Variants in ATP11B observed in about 807,000 individuals in gnomAD.
ATP11B encodes the protein ATPase phospholipid transporting 11B (putative).
Under a neutral mutation model 157.8 loss-of-function variants are expected in ATP11B, and 81 were observed. The observed-to-expected ratio is 0.51, with a 90% CI of 0.43 to 0.62. The LOEUF is 0.62. Ranked by LOEUF, ATP11B falls within the 20% of genes least tolerant of loss-of-function variation. The probability of loss-of-function intolerance (pLI) is 0.00; values close to 1 mark genes in which losing one functional copy is unlikely to be tolerated. For synonymous variants in ATP11B, 451 were observed against 469.4 expected, an observed-to-expected ratio of 0.96 and a Z score of 0.51; for missense variants, 1,165 against 1,402.2, an observed-to-expected ratio of 0.83 and a Z score of 2.70.
chr3:182,838,690 C>G (rs1718754115), intron 7 of ATP11B, among the ~76,000 whole-genome samples: 1 of 151,744 alleles, frequency 6.6e-6, no homozygotes, highest in Non-Finnish European at 1.5e-5. Flanking sequence ...AATAGTTTCC[C>G]TCCTTGAGGA....
At position 182,793,737 on chromosome 3, in the gene ATP11B, AC is replaced by A; in HGVS notation, c.-20del. The A allele has an allele frequency of 7.1e-7, 1 of 1,403,388 alleles. No homozygotes were observed. Among genetic ancestry groups the A allele is most frequent in the Non-Finnish European group, 9.3e-7 (1 of 1,072,548 alleles). The allele number at this position is 1,403,388 out of a possible 1,614,324, so 86.9% of individuals were successfully genotyped here. ...CCCCGCGGCCCCCGCGCCCCGCGGG[AC>A]CCGGACGGCGACGACGGGGGAATGT... On this transcript the variant is annotated 5_prime_UTR_variant, in exon 1 of 30. Transcript: ENST00000323116.
chr3:182,846,407 A>G (rs1719533321), intron 9 of ATP11B, among the ~76,000 whole-genome samples: 1 of 152,206 alleles, frequency 6.6e-6, no homozygotes, highest in Non-Finnish European at 1.5e-5. Context: ...GCCTTGAAAA[A>G]TAGTTTTGGC....
Position 182,868,746 on chromosome 3 carries a change from C to T in ATP11B, c.1689-332C>T, listed in dbSNP as rs904195116. Among the ~76,000 whole-genome samples the T allele has an allele frequency of 3.9e-5, 6 of 152,294 alleles. No individual in the cohort carries two copies. In the East Asian group the frequency reaches 7.7e-4, roughly 20 times the overall value. On this transcript the variant is annotated intron_variant, in intron 15 of 29. Transcript: ENST00000323116. The stretch of plus-strand genomic sequence containing the variant: ...CAGTTCTTGCTCTGCCACTCACAAG[C>T]TTACCTGACTTTAGGCAAATTACTT...
intron 10 of ATP11B, among the ~76,000 whole-genome samples, chr3:182,850,907 A>G (rs1334341050): frequency 1.3e-5 from 2 of 152,200 alleles, no homozygotes; most frequent in African/African-American, 4.8e-5. Flanking sequence ...TACCCACACA[A>G]TGGAATACTA....
chr3:182,894,823 A>G lies in ATP11B; in HGVS notation c.2983-1877A>G, dbSNP rs560697419. 2.7e-3 allele frequency among the ~76,000 whole-genome samples: 409 copies of G among 152,096 alleles called. 3 individuals are homozygous for G. The highest frequency in any genetic ancestry group is 4.7e-3 in the Non-Finnish European group (318 of 67,988). On this transcript the variant is annotated intron_variant, in intron 25 of 29. Coordinates refer to ENST00000323116, the MANE Select transcript of ATP11B (RefSeq NM_014616.3). ...CCAGGCCCAGGTCCCCGGTTGCATC[A>G]AAGTATCTCTCCCAGCTGGGCACAT...
chr3:182,890,208 C>T (rs780161753), intron 25 of ATP11B, among the ~76,000 whole-genome samples: 15 of 152,054 alleles, frequency 9.9e-5, no homozygotes, highest in African/African-American at 2.2e-4. Context: ...ACCTCTCTTT[C>T]GGGGCTTAAC....
intron 1 of ATP11B, among the ~76,000 whole-genome samples, chr3:182,819,127 A>C (rs1353149594): frequency 7.3e-6 from 1 of 137,858 alleles, no homozygotes; most frequent in Admixed American, 7.8e-5. Context: ...CCCAGGCTGG[A>C]GTGCAGTGGC....
chr3:182,913,960 G>C lies in ATP11B; in HGVS notation c.3418G>C (p.Val1140Leu), dbSNP rs1724973106. ...ATCTGTTGGAAGAATGCTGGAACGA[G>C]TTATAGGAAGATGTAGTCCAACCCA... is the stretch of plus-strand genomic sequence containing the variant. ...CASVGRMLER[V>L]IGRCSPTHIS... The change falls in exon 29 of 30, where the codon GTT becomes CTT. Residue 1140 changes from valine to leucine, a missense_variant. Val to Leu is a conservative substitution (Grantham distance 32). Transcript: ENST00000323116. 1.2e-6 allele frequency: 2 copies of C among 1,613,978 alleles called. No homozygotes were observed. Among genetic ancestry groups the C allele is most frequent in the South Asian group, 1.1e-5 (1 of 91,086 alleles).
At chr3:182,802,212 C>G (rs900063582) in intron 1 of ATP11B, among the ~76,000 whole-genome samples, 2 of 152,206 alleles carry the variant, frequency 1.3e-5, no homozygotes, top group African/African-American at 4.8e-5. Flanking sequence ...CCACCCTCAA[C>G]TAAACTACTG....
chr3:182,876,136 C>T (rs1722023903), intron 19 of ATP11B, among the ~76,000 whole-genome samples: 1 of 151,740 alleles, frequency 6.6e-6, no homozygotes, highest in Admixed American at 6.6e-5. Flanking sequence ...CCAGTTACTC[C>T]GAAAGCTGAG....
intron 1 of ATP11B, among the ~76,000 whole-genome samples, chr3:182,794,318 T>C (rs191089984): frequency 9.6e-4 from 146 of 152,262 alleles, no homozygotes; most frequent in Middle Eastern, 6.8e-3. Flanking sequence ...GAGGCTGTCG[T>C]AGGTGTCTAG....
intron 2 of ATP11B, among the ~76,000 whole-genome samples, chr3:182,823,749 A>G (rs535970857): frequency 3.9e-5 from 6 of 152,158 alleles, no homozygotes; most frequent in East Asian, 1.9e-4. Context: ...ATCCATGGCC[A>G]TGGAATGTTC....
In ATP11B at chr3:182,793,731, CG is replaced by C; in HGVS notation, c.-28del. 2 of 1,403,946 alleles carry C rather than the reference CG, an allele frequency of 1.4e-6. No homozygotes were observed. Among genetic ancestry groups the C allele is most frequent in the Admixed American group, 2.6e-5 (1 of 38,938 alleles). 87.0% of individuals were successfully genotyped at this position (1,403,946 alleles called of 1,614,324 possible). The stretch of plus-strand genomic sequence containing the variant: ...CTGCAGCCCCGCGGCCCCCGCGCCC[CG>C]CGGGACCCGGACGGCGACGACGGGG... On this transcript the variant is annotated 5_prime_UTR_variant, in exon 1 of 30. Coordinates refer to ENST00000323116, the MANE Select transcript of ATP11B (RefSeq NM_014616.3).
chr3:182,793,651 G>T lies in ATP11B; in HGVS notation c.-109G>T. ...GGCAGTGGCGGCGGCGGCGGTAAGC[G>T]GAACTTCGGCCCGAGGGGCTCGCCC... On this transcript the variant is annotated 5_prime_UTR_variant, in exon 1 of 30. Transcript: ENST00000323116. The T allele has an allele frequency of 1.6e-6, 1 of 625,940 alleles. No homozygotes were observed. Among genetic ancestry groups the T allele is most frequent in the Non-Finnish European group, 2.4e-6 (1 of 418,744 alleles). The allele number at this position is 625,940 out of a possible 1,614,324, so 38.8% of individuals were successfully genotyped here. A position where few individuals can be genotyped will look rare whatever the true frequency, so the allele number is the denominator to read the frequency against.
At chr3:182,826,388 C>T (rs1474314282) in intron 2 of ATP11B, among the ~76,000 whole-genome samples, 3 of 152,180 alleles carry the variant, frequency 2.0e-5, no homozygotes, top group African/African-American at 7.2e-5. Flanking sequence ...TGTTACGTTT[C>T]AAATAGATTG....
At chr3:182,825,495 G>A (rs1717652804) in intron 2 of ATP11B, among the ~76,000 whole-genome samples, 1 of 152,054 alleles carries the variant, frequency 6.6e-6, no homozygotes, top group African/African-American at 2.4e-5. Context: ...AAGGTGGGCG[G>A]ATCACTTGAG....
intron 7 of ATP11B, among the ~76,000 whole-genome samples, chr3:182,840,485 C>T (rs981343633): frequency 4.6e-5 from 7 of 152,216 alleles, no homozygotes; most frequent in Non-Finnish European, 8.8e-5. Flanking sequence ...CTTTCCTAAA[C>T]TTCAGCTGCC....
intron 1 of ATP11B, among the ~76,000 whole-genome samples, chr3:182,801,978 A>G (rs1445855412): frequency 6.6e-6 from 1 of 152,226 alleles, no homozygotes; most frequent in Non-Finnish European, 1.5e-5. Context: ...GGGGAGAAGA[A>G]ATCAAAGAAA....
chr3:182,856,306 A>C (rs1720398782), intron 10 of ATP11B, among the ~76,000 whole-genome samples: 1 of 152,188 alleles, frequency 6.6e-6, no homozygotes, highest in South Asian at 2.1e-4. Context: ...AAATAAGGGA[A>C]AGTTGAATGT....
Sources: allele counts gnomAD v4.1 joint callset (sites outside exome capture counted in the v4.1 genomes callset), GRCh38; gene constraint gnomAD v4.1.1; transcripts MANE v1.5; gene names NCBI Gene and HGNC (gene_info 2026-07-23, HGNC 2026-07-21).